The following CSPP1 variants were observed in gnomAD, a reference collection of about 807,000 sequenced individuals.
CSPP1 encodes the protein centrosome and spindle pole-associated protein 1.
A neutral mutation model predicts 164.4 loss-of-function variants in CSPP1; 126 were observed. The ratio of observed to expected loss-of-function variants is 0.77; its 90% CI spans 0.66 to 0.89. CSPP1 has a LOEUF of 0.89. CSPP1 is among the 40% of genes least tolerant of loss of function. The probability of loss-of-function intolerance (pLI) is 0.00; values close to 1 mark genes in which losing one functional copy is unlikely to be tolerated. For missense variants in CSPP1, 1,395 were observed against 1,449.8 expected (o/e 0.96, Z 0.61); for synonymous variants, 472 against 476.7 (o/e 0.99, Z 0.13).
intron 25 of CSPP1, chr8:67,172,977 A>G (rs1830757166): frequency 6.5e-6 from 1 of 153,910 alleles, no homozygotes; most frequent in African/African-American, 2.4e-5. Flanking sequence ...ATGTAAGGTG[A>G]ATACCGGAAA....
intron 27 of CSPP1, among the ~76,000 whole-genome samples, chr8:67,179,105 T>C (rs989086670): frequency 6.6e-6 from 1 of 152,172 alleles, no homozygotes; most frequent in South Asian, 2.1e-4. Flanking sequence ...GATTATCTGG[T>C]AAGAAGGTGC....
chr8:67,114,806 A>T (rs994311578), intron 12 of CSPP1: 1 of 152,230 alleles, frequency 6.6e-6, no homozygotes, highest in Non-Finnish European at 1.5e-5. Context: ...TGGTTACACT[A>T]GTGTGTGACA....
intron 11 of CSPP1, 33 bp downstream of exon 11, chr8:67,113,895 C>G: frequency 7.4e-7 from 1 of 1,359,314 alleles, no homozygotes; most frequent in Non-Finnish European, 1.0e-6. Context: ...AATGTTTAAT[C>G]TTTCATCAAA....
chr8:67,164,371 T>G lies in CSPP1; in HGVS notation c.2711-20T>G, dbSNP rs374788985. The G allele has an allele frequency of 8.9e-7, 1 of 1,124,906 alleles. No individual in the cohort carries two copies. The highest frequency in any genetic ancestry group is 1.2e-5 in the South Asian group (1 of 80,422). 69.7% of individuals were successfully genotyped at this position (1,124,906 alleles called of 1,614,324 possible). A position where few individuals can be genotyped will look rare whatever the true frequency, so the allele number is the denominator to read the frequency against. On this transcript the variant is annotated intron_variant, in intron 23 of 30. Coordinates refer to ENST00000678616, the MANE Select transcript of CSPP1 (RefSeq NM_001382391.1). ...TTCTTATTCCTGTCTTGTGTTTTAC[T>G]TATCAATGGGAATTTGCAGAGGAGA... is the stretch of plus-strand genomic sequence containing the variant.
intron 28 of CSPP1, among the ~76,000 whole-genome samples, 177 bp from the exon 29 acceptor site, chr8:67,190,470 GTGA>G (rs1419050407): frequency 6.6e-6 from 1 of 152,152 alleles, no homozygotes; most frequent in African/African-American, 2.4e-5. Context: ...CTACTTTAAA[GTGA>G]TGATTGTACA....
Position 67,154,018 on chromosome 8 carries a change from T to G in CSPP1, c.2129-6T>G, listed in dbSNP as rs1826207251. The G allele has an allele frequency of 2.7e-6, 4 of 1,492,544 alleles. No individual in the cohort carries two copies. The highest frequency in any genetic ancestry group is 3.7e-6 in the Non-Finnish European group (4 of 1,072,854). 92.5% of individuals were successfully genotyped at this position (1,492,544 alleles called of 1,614,324 possible). ...TAGTATGTTTTTGCAAAATATTTCTTTCAAGGTCATATGCAAACACAGAGC... is the reference window on the plus strand; with the variant it reads ...TAGTATGTTTTTGCAAAATATTTCTGTCAAGGTCATATGCAAACACAGAGC... On this transcript the variant is annotated splice_polypyrimidine_tract_variant and splice_region_variant and intron_variant, in intron 18 of 30. Coordinates refer to ENST00000678616, the MANE Select transcript of CSPP1 (RefSeq NM_001382391.1).
chr8:67,116,038 T>A lies in CSPP1; in HGVS notation c.1412T>A (p.Ile471Asn). The change falls in exon 13 of 31, where the codon ATC (isoleucine) becomes AAC (asparagine). Residue 471 changes from isoleucine (I) to asparagine (N), a missense_variant. By Grantham distance (149) the Ile-to-Asn change is moderately radical. Coordinates refer to ENST00000678616, the MANE Select transcript of CSPP1 (RefSeq NM_001382391.1). Reference protein sequence around the residue: ...PPLSAPSVPPIPSVHPVPSQN... With the variant: ...PPLSAPSVPPNPSVHPVPSQN... The stretch of plus-strand genomic sequence containing the variant: ...TTATCTGCCCCATCTGTCCCACCCA[T>A]CCCATCAGTTCATCCTGTTCCTTCT... 1 of 1,614,046 alleles carries A rather than the reference T, an allele frequency of 6.2e-7. No homozygotes were observed. The highest frequency in any genetic ancestry group is 2.2e-5 in the East Asian group (1 of 44,886).
At chr8:67,092,930 C>A (rs1181961928) in intron 5 of CSPP1, among the ~76,000 whole-genome samples, 1 of 151,960 alleles carries the variant, frequency 6.6e-6, no homozygotes. Context: ...CCTTGGAAAG[C>A]AAATGGTTAG....
At chr8:67,148,214 C>T (rs559982215) in intron 17 of CSPP1, among the ~76,000 whole-genome samples, 5 of 152,256 alleles carry the variant, frequency 3.3e-5, no homozygotes, top group African/African-American at 9.6e-5. Context: ...CCACCACGCC[C>T]GGCCAGACTA....
At chr8:67,141,370 G>A (rs762152926) in intron 17 of CSPP1, among the ~76,000 whole-genome samples, 1 of 152,130 alleles carries the variant, frequency 6.6e-6, no homozygotes, top group African/African-American at 2.4e-5. Context: ...GTAATGTTTA[G>A]TTGGCTTATT....
intron 29 of CSPP1, among the ~76,000 whole-genome samples, chr8:67,191,802 T>C (rs868125343): frequency 1.8e-4 from 28 of 152,228 alleles, no homozygotes; most frequent in African/African-American, 6.0e-4. Context: ...ATGGACACTT[T>C]GTATTTAGCA....
chr8:67,139,043 A>T (rs1427589597), intron 17 of CSPP1, among the ~76,000 whole-genome samples: 3 of 152,222 alleles, frequency 2.0e-5, no homozygotes, highest in African/African-American at 7.2e-5. Flanking sequence ...TTTATTAAAT[A>T]GGGAATCCTT....
At chr8:67,147,745 G>A (rs931737231) in intron 17 of CSPP1, among the ~76,000 whole-genome samples, 4 of 151,864 alleles carry the variant, frequency 2.6e-5, no homozygotes, top group African/African-American at 7.3e-5. Context: ...ATGAACTAGA[G>A]TTAGACTCTG....
intron 18 of CSPP1, among the ~76,000 whole-genome samples, chr8:67,150,801 A>G (rs745852167): frequency 4.0e-5 from 6 of 151,480 alleles, no homozygotes; most frequent in Non-Finnish European, 8.8e-5. Context: ...TACCAGGAAA[A>G]GTTGTCAGGT....
intron 17 of CSPP1, among the ~76,000 whole-genome samples, chr8:67,144,138 T>C (rs1824029785): frequency 6.6e-6 from 1 of 152,228 alleles, no homozygotes; most frequent in African/African-American, 2.4e-5. Context: ...ATTGTGAGTG[T>C]ATGTTGAATT....
At chr8:67,191,672 T>C (rs1004275335) in intron 29 of CSPP1, among the ~76,000 whole-genome samples, 3 of 152,342 alleles carry the variant, frequency 2.0e-5, no homozygotes, top group South Asian at 2.1e-4. Flanking sequence ...CATTTAACAA[T>C]AGATATTTGG....
chr8:67,096,642 ATCACTTGAGG>A (rs963915471), intron 7 of CSPP1, among the ~76,000 whole-genome samples: 1 of 151,756 alleles, frequency 6.6e-6, no homozygotes, highest in African/African-American at 2.4e-5. Context: ...AGGCAGGCAG[ATCACTTGAGG>A]TCAGGAGTTT....
intron 17 of CSPP1, among the ~76,000 whole-genome samples, chr8:67,145,565 C>A (rs1824366696): frequency 6.6e-6 from 1 of 151,438 alleles, no homozygotes; most frequent in Admixed American, 6.6e-5. Flanking sequence ...TCTGTGTCGC[C>A]CAGGTTGGAG....
At chr8:67,177,903 AT>A (rs1832083873) in intron 27 of CSPP1, among the ~76,000 whole-genome samples, 177 bp downstream of exon 27, 2 of 152,346 alleles carry the variant, frequency 1.3e-5, no homozygotes, top group South Asian at 2.1e-4. Flanking sequence ...TAGAAAACAT[AT>A]TGTAATGGCT....
Sources: allele counts gnomAD v4.1 joint callset (sites outside exome capture counted in the v4.1 genomes callset), GRCh38; gene constraint gnomAD v4.1.1; transcripts MANE v1.5; gene names NCBI Gene and HGNC (gene_info 2026-07-23, HGNC 2026-07-21).